Variants in ZNF407 observed in about 807,000 individuals in gnomAD.
The protein encoded by ZNF407 is zinc finger protein 407.
Under a neutral mutation model 131.2 loss-of-function variants are expected in ZNF407, and 17 were observed. The observed-to-expected ratio is 0.13, with a 90% CI of 0.09 to 0.19. ZNF407 has a LOEUF of 0.19. ZNF407 is among the 10% of genes least tolerant of loss of function. The pLI is 1.00. For missense variants in ZNF407, 2,681 were observed against 2,830.6 expected (o/e 0.95, Z 1.20); for synonymous variants, 1,156 against 1,062.0 (o/e 1.09, Z -1.72).
At chr18:74,762,816 T>C (rs1175830043) in intron 3 of ZNF407, among the ~76,000 whole-genome samples, 1 of 152,172 alleles carries the variant, frequency 6.6e-6, no homozygotes, top group Admixed American at 6.5e-5. Flanking sequence ...ACATTGTTTC[T>C]TTATCCCTTT....
chr18:74,813,734 G>T (rs530145782), intron 4 of ZNF407, among the ~76,000 whole-genome samples: 2 of 152,218 alleles, frequency 1.3e-5, no homozygotes, highest in African/African-American at 4.8e-5. Flanking sequence ...CCTCTAATTC[G>T]TCTTGTTCTG....
intron 3 of ZNF407, among the ~76,000 whole-genome samples, chr18:74,689,924 G>C (rs1967180747): frequency 1.3e-5 from 2 of 152,182 alleles, no homozygotes; most frequent in African/African-American, 4.8e-5. Flanking sequence ...ACCTCATCCA[G>C]ATGTCATTGT....
chr18:74,779,904 A>C (rs1241614037), intron 3 of ZNF407, among the ~76,000 whole-genome samples: 1 of 152,024 alleles, frequency 6.6e-6, no homozygotes, highest in Non-Finnish European at 1.5e-5. Context: ...AATTATAGAC[A>C]ATGGAGGACA....
chr18:74,627,851 G>A (rs1020895496), intron 1 of ZNF407, among the ~76,000 whole-genome samples: 2 of 16,848 alleles, frequency 1.2e-4, no homozygotes, highest in African/African-American at 4.9e-4. Flanking sequence ...ACCCCGCCCC[G>A]CCCCGCCCCG....
chr18:74,610,636 G>A (rs550804042), intron 1 of ZNF407, among the ~76,000 whole-genome samples: 9 of 152,010 alleles, frequency 5.9e-5, no homozygotes, highest in South Asian at 2.1e-4. Flanking sequence ...TGCAACCTCC[G>A]CCTCCCTGGC....
Position 74,741,634 on chromosome 18 carries a change from A to G in ZNF407, c.4803-39794A>G, listed in dbSNP as rs1000449479. 2.0e-4 allele frequency among the ~76,000 whole-genome samples: 31 copies of G among 152,212 alleles called. 1 individual carries two copies. Among genetic ancestry groups the G allele is most frequent in the African/African-American group, 7.2e-4 (30 of 41,462 alleles). ...GTGGTGTATTATAGATATAGAATCT[A>G]TATCTGATTCTCTTTCAGTATATAT... On this transcript the variant is annotated intron_variant, in intron 3 of 8. Transcript: ENST00000299687.
intron 8 of ZNF407, chr18:75,060,118 A>G (rs1028729762): frequency 1.3e-5 from 2 of 152,252 alleles, no homozygotes; most frequent in South Asian, 4.1e-4. Context: ...AGGAAGAGGA[A>G]GTCGTGTTCC....
At chr18:74,651,768 A>T in intron 3 of ZNF407, among the ~76,000 whole-genome samples, 1 of 152,164 alleles carries the variant, frequency 6.6e-6, no homozygotes, top group East Asian at 1.9e-4. Context: ...TGATCCTTAG[A>T]TGGAAATGTG....
intron 3 of ZNF407, among the ~76,000 whole-genome samples, chr18:74,697,842 AGTGCATGCT>A (rs1967394908): frequency 1.3e-5 from 2 of 152,234 alleles, no homozygotes; most frequent in African/African-American, 4.8e-5. Context: ...TGCAATTTGC[AGTGCATGCT>A]GTTTTGAAAC....
chr18:74,632,618 T>C lies in ZNF407; in HGVS notation c.1599T>C (p.Cys533=). The change falls in exon 2 of 9, where the codon TGT becomes TGC. Residue 533 remains cysteine, a synonymous_variant. Coordinates refer to ENST00000299687, the MANE Select transcript of ZNF407 (RefSeq NM_017757.3). Reference sequence around the variant, plus strand: ...AGACGTTGTGTGCTTGTACAGACTGTGGGCAAGTAGCTACAAATAGGACAG... The same window carrying C: ...AGACGTTGTGTGCTTGTACAGACTGCGGGCAAGTAGCTACAAATAGGACAG... ...GSQTLCACTD[C]GQVATNRTDL... The C allele has an allele frequency of 6.2e-7, 1 of 1,614,008 alleles. No individual in the cohort carries two copies. The highest frequency in any genetic ancestry group is 8.5e-7 in the Non-Finnish European group (1 of 1,179,900).
chr18:74,813,325 T>C (rs953524457), intron 4 of ZNF407, among the ~76,000 whole-genome samples: 1 of 152,092 alleles, frequency 6.6e-6, no homozygotes, highest in African/African-American at 2.4e-5. Flanking sequence ...TCTGGGGAGG[T>C]CTTGGGCTGA....
chr18:74,673,563 G>A (rs550445066), intron 3 of ZNF407, among the ~76,000 whole-genome samples: 41 of 152,278 alleles, frequency 2.7e-4, no homozygotes, highest in African/African-American at 8.9e-4. Flanking sequence ...GTGAGGAAGC[G>A]TATTCACAGA....
chr18:74,608,434 G>A (rs576395519), intron 1 of ZNF407, among the ~76,000 whole-genome samples: 4 of 150,760 alleles, frequency 2.7e-5, no homozygotes, highest in Admixed American at 2.7e-4. Context: ...TGCAGTTTCC[G>A]CCTCCTGGTT....
intron 1 of ZNF407, among the ~76,000 whole-genome samples, chr18:74,599,477 C>T (rs1055732928): frequency 6.6e-6 from 1 of 152,186 alleles, no homozygotes; most frequent in African/African-American, 2.4e-5. Context: ...TAGTAATATA[C>T]TTCCCTAGAG....
At chr18:74,895,126 T>G (rs1446019654) in intron 7 of ZNF407, among the ~76,000 whole-genome samples, 1 of 152,114 alleles carries the variant, frequency 6.6e-6, no homozygotes, top group Non-Finnish European at 1.5e-5. Context: ...GAAATACACT[T>G]TGGGTATTTT....
At chr18:74,930,372 C>T (rs977422734) in intron 8 of ZNF407, among the ~76,000 whole-genome samples, 1 of 152,174 alleles carries the variant, frequency 6.6e-6, no homozygotes, top group East Asian at 1.9e-4. Flanking sequence ...TCAGAATCCT[C>T]CAGTGGCAGC....
At position 74,632,611 on chromosome 18, in the gene ZNF407, C is replaced by G. The variant is rs757565072; in HGVS notation, c.1592C>G (p.Thr531Arg). Residue 531 changes from threonine to arginine, a missense_variant, in exon 2 of 9, where the codon ACA (threonine) becomes AGA (arginine). Around this residue, in one of 6 missense-constraint regions of ZNF407, gnomAD observed 1,789 missense variants for 1,748.7 expected, o/e 1.02. Transcript: ENST00000299687. ...GGCTCTCAGACGTTGTGTGCTTGTA[C>G]AGACTGTGGGCAAGTAGCTACAAAT... The part of the protein sequence containing the change: ...ASGSQTLCAC[T>R]DCGQVATNRT... 1.2e-6 allele frequency: 2 copies of G among 1,614,026 alleles called. No homozygotes were observed. Among genetic ancestry groups the G allele is most frequent in the South Asian group, 1.1e-5 (1 of 91,084 alleles).
rs2145180222 is a variant in ZNF407 at position 74,877,184 on chromosome 18, C to T, written c.4878-13C>T. ...GGGCCATATTTATATTGTTTTCTCT[C>T]TCCTTCATGCAGGAAATTTACATGC... On this transcript the variant is annotated splice_polypyrimidine_tract_variant and intron_variant, in intron 4 of 8. Transcript: ENST00000299687. 6.2e-7 allele frequency: 1 copy of T among 1,613,192 alleles called. No homozygotes were observed. The highest frequency in any genetic ancestry group is 2.2e-5 in the East Asian group (1 of 44,882).
intron 8 of ZNF407, among the ~76,000 whole-genome samples, chr18:75,023,962 T>A (rs565952751): frequency 6.6e-6 from 1 of 152,320 alleles, no homozygotes; most frequent in South Asian, 2.1e-4. Flanking sequence ...CAGAACGCAC[T>A]GTGCTAAGTT....
Sources: allele counts gnomAD v4.1 joint callset (sites outside exome capture counted in the v4.1 genomes callset), GRCh38; gene constraint gnomAD v4.1.1; regional missense constraint gnomAD v4.1.1; transcripts MANE v1.5; gene names NCBI Gene and HGNC (gene_info 2026-07-23, HGNC 2026-07-21).